Variants in GPR107 observed in about 807,000 individuals in gnomAD.
GPR107 encodes the protein protein GPR107.
Under a neutral mutation model 75.5 loss-of-function variants are expected in GPR107, and 31 were observed. The observed-to-expected ratio is 0.41, with a 90% confidence interval of 0.31 to 0.55. The LOEUF (loss-of-function observed/expected upper bound fraction) is 0.55, where lower values mean the gene tolerates loss of function less well. Among genes scored for constraint, GPR107 ranks in the 20% least tolerant of loss-of-function variants. The pLI is 0.26. For missense variants in GPR107, 572 were observed against 665.7 expected (o/e 0.86, Z 1.55); for synonymous variants, 267 against 251.3 (o/e 1.06, Z -0.59).
chr9:130,099,868 C>G (rs866763161), intron 10 of GPR107, among the ~76,000 whole-genome samples: 4 of 89,996 alleles, frequency 4.4e-5, no homozygotes, highest in African/African-American at 1.4e-4. Context: ...GTTTCCACGA[C>G]TTTTTTTTTT....
At chr9:130,105,221 A>AT (rs1831130042) in intron 13 of GPR107, among the ~76,000 whole-genome samples, 1 of 151,766 alleles carries the variant, frequency 6.6e-6, no homozygotes, top group African/African-American at 2.4e-5. Flanking sequence ...AAGAAAATAG[A>AT]TTCACCCCGG....
intron 10 of GPR107, 43 bp downstream of exon 10, chr9:130,099,575 A>G (rs1305122218): frequency 4.5e-6 from 5 of 1,109,318 alleles, no homozygotes; most frequent in Non-Finnish European, 4.1e-6. Context: ...AATTACGTAT[A>G]ATGCCTGTGT....
At position 130,127,507 on chromosome 9, in the gene GPR107, A is replaced by G. The variant is rs1291863992; in HGVS notation, c.1381A>G (p.Arg461Gly). The change falls in exon 16 of 18, where the codon AGG becomes GGG. Residue 461 changes from arginine to glycine, a missense_variant. Coordinates refer to ENST00000347136, the MANE Select transcript of GPR107 (RefSeq NM_020960.5). ...VLIVCYIYFT[R>G]IIAFLLKLAV... ...GATTGTGTGTTACATATACTTCACT[A>G]GGATCATTGCATTTCTCCTCAAACT... 6.3e-7 allele frequency: 1 copy of G among 1,596,030 alleles called. No individual in the cohort carries two copies. Among genetic ancestry groups the G allele is most frequent in the Non-Finnish European group, 8.6e-7 (1 of 1,163,488 alleles).
chr9:130,092,175 C>T, intron 8 of GPR107, 73 bp from the exon 9 acceptor site: 1 of 1,328,290 alleles, frequency 7.5e-7, no homozygotes, highest in Non-Finnish European at 1.1e-6. Context: ...AGTGAAACAA[C>T]TGAGATTCCA....
intron 1 of GPR107, among the ~76,000 whole-genome samples, chr9:130,059,645 C>T (rs755160576): frequency 8.6e-5 from 13 of 151,844 alleles, no homozygotes; most frequent in Non-Finnish European, 1.6e-4. Context: ...AGATCAGATT[C>T]AAATTTTCAT....
Position 130,079,635 on chromosome 9 carries a change from G to C in GPR107, c.392G>C (p.Arg131Thr). ...LILDISRSEV[R>T]VKSPPEAGTQ... ...TCTGTCTTATTTGAATGTAGGGTAA[G>C]AGTAAAGTCTCCACCAGAAGCTGGT... is the stretch of plus-strand genomic sequence containing the variant. Residue 131 changes from arginine to threonine, a missense_variant, in exon 5 of 18, where the codon AGA becomes ACA. Arg to Thr is a moderately conservative substitution (Grantham distance 71). Coordinates refer to ENST00000347136, the MANE Select transcript of GPR107 (RefSeq NM_020960.5). 6.2e-7 allele frequency: 1 copy of C among 1,613,400 alleles called. No homozygotes were observed. Among genetic ancestry groups the C allele is most frequent in the Middle Eastern group, 1.7e-4 (1 of 6,056 alleles).
At chr9:130,086,555 T>C in intron 7 of GPR107, 79 bp downstream of exon 7, 1 of 833,334 alleles carries the variant, frequency 1.2e-6, no homozygotes, top group Non-Finnish European at 2.1e-6. Context: ...AGAGGAATTT[T>C]GAATTTAGGA....
rs10578697 is a variant in GPR107, at chr9:130,062,420, GATAATAATAATAATAATA to G, written c.141+8369_141+8386del. 2.9e-5 allele frequency among the ~76,000 whole-genome samples: 4 copies of G among 139,874 alleles called. No individual in the cohort carries two copies. In the Admixed American group the frequency reaches 3.0e-4, roughly 10 times the overall value. 91.8% of individuals were successfully genotyped at this position (139,874 alleles called of 152,430 possible). On this transcript the variant is annotated intron_variant, in intron 1 of 17. Coordinates refer to ENST00000347136, the MANE Select transcript of GPR107 (RefSeq NM_020960.5). The stretch of plus-strand genomic sequence containing the variant: ...AAGAGCAAGACCCTGTCTCGAAAAT[GATAATAATAATAATAATA>G]ATAATAATAATAATAATAATAGCAC...
intron 6 of GPR107, among the ~76,000 whole-genome samples, chr9:130,084,047 C>T (rs369761594): frequency 2.3e-5 from 3 of 130,912 alleles, no homozygotes; most frequent in South Asian, 5.0e-4. Context: ...AGAGAGCTAA[C>T]ATATATATAT....
At chr9:130,094,573 TAAGA>T (rs1336568681) in intron 9 of GPR107, among the ~76,000 whole-genome samples, 2 of 152,000 alleles carry the variant, frequency 1.3e-5, no homozygotes, top group African/African-American at 4.8e-5. Context: ...ACTCTGTCTC[TAAGA>T]AAGAAAGAGA....
At chr9:130,056,374 C>A (rs1401863827) in intron 1 of GPR107, among the ~76,000 whole-genome samples, 1 of 151,970 alleles carries the variant, frequency 6.6e-6, no homozygotes, top group Admixed American at 6.6e-5. Flanking sequence ...CGCTTGGACC[C>A]AGGAGTAGGA....
chr9:130,058,685 G>T (rs10819593), intron 1 of GPR107, among the ~76,000 whole-genome samples: 1 of 151,840 alleles, frequency 6.6e-6, no homozygotes, highest in African/African-American at 2.4e-5. Context: ...GGCTTGTCTC[G>T]AACTCCTGGC....
intron 17 of GPR107, chr9:130,133,081 A>AC (rs1216091129): frequency 6.6e-6 from 1 of 151,474 alleles, no homozygotes; most frequent in East Asian, 1.9e-4. Context: ...GGTTCCCAGC[A>AC]CTCCTGTCTC....
chr9:130,113,922 C>T (rs1283502036), intron 14 of GPR107, among the ~76,000 whole-genome samples: 1 of 152,008 alleles, frequency 6.6e-6, no homozygotes, highest in African/African-American at 2.4e-5. Flanking sequence ...ACCAAATACT[C>T]CCTCACAGCA....
At chr9:130,076,383 TTACTTC>T in intron 2 of GPR107, 23 bp from the exon 3 acceptor site, 1 of 1,354,334 alleles carries the variant, frequency 7.4e-7, no homozygotes, top group Non-Finnish European at 1.1e-6. Context: ...GTGTAGATAT[TTACTTC>T]TACTGTTTTT....
chr9:130,124,110 T>C (rs1475573222), intron 14 of GPR107, among the ~76,000 whole-genome samples: 1 of 152,238 alleles, frequency 6.6e-6, no homozygotes, highest in Non-Finnish European at 1.5e-5. Context: ...CAACTAATCA[T>C]GAGCCCAAAG....
Position 130,075,689 on chromosome 9 carries a change from G to A in GPR107, c.195G>A (p.Gly65=), listed in dbSNP as rs773115029. 1 of 1,609,286 alleles carries A rather than the reference G, an allele frequency of 6.2e-7. No individual in the cohort carries two copies. The highest frequency in any genetic ancestry group is 1.1e-5 in the South Asian group (1 of 90,998). ...HLNTFGFFKD[G]YMVVNVSSLS... ...ACACCTTTGGCTTCTTCAAGGATGGGTACATGGTGGTGAATGTCAGTAGCC... is the reference window on the plus strand; with the variant it reads ...ACACCTTTGGCTTCTTCAAGGATGGATACATGGTGGTGAATGTCAGTAGCC... The change falls in exon 2 of 18, where the codon GGG becomes GGA. Residue 65 remains glycine (G), a synonymous_variant. Coordinates refer to ENST00000347136, the MANE Select transcript of GPR107 (RefSeq NM_020960.5).
At chr9:130,085,753 G>GTTTTTTTTTTTTTTT (rs1189602398) in intron 6 of GPR107, among the ~76,000 whole-genome samples, 6 of 32,256 alleles carry the variant, frequency 1.9e-4, no homozygotes, top group Non-Finnish European at 2.8e-4. Flanking sequence ...GCAATATTTT[G>GTTTTTTTTTTTTTTT]ATTTTTTTTT....
rs1589521318 is a variant in GPR107 at position 130,112,367 on chromosome 9, T to C, written c.1306+4828T>C. On this transcript the variant is annotated intron_variant, in intron 14 of 17. Coordinates refer to ENST00000347136, the MANE Select transcript of GPR107 (RefSeq NM_020960.5). The surrounding 1 kb of genome is among the most constrained non-coding windows in gnomAD (Gnocchi z 4.0). ...CTCGGGATCAAAACTATTTTCATAA[T>C]CATACGGTGTGAGTCTCTTGTGCTG... Among the ~76,000 whole-genome samples, 1 of 152,200 alleles carries C rather than the reference T, an allele frequency of 6.6e-6. No homozygotes were observed. The highest frequency in any genetic ancestry group is 1.5e-5 in the Non-Finnish European group (1 of 68,048).
Sources: gnomAD v4.1 joint callset for allele counts (sites outside exome capture counted in the v4.1 genomes callset) on GRCh38, gnomAD v4.1.1 for gene constraint, Gnocchi (gnomAD v3.1) non-coding constraint, MANE v1.5 for transcripts, NCBI Gene and HGNC (gene_info 2026-07-23, HGNC 2026-07-21) for gene names.